PCDHGA11: variants seen among roughly 807,000 people sequenced by gnomAD.
PCDHGA11 encodes the protein protocadherin gamma subfamily A, 11.
PCDHGA11 carries 39 observed loss-of-function variants against 60.4 expected under a neutral mutation model. The observed-to-expected ratio is 0.65, with a 90% confidence interval of 0.50 to 0.84. PCDHGA11 has a LOEUF of 0.84. Ranked by LOEUF, PCDHGA11 falls within the 40% of genes least tolerant of loss-of-function variation. The pLI, the probability that PCDHGA11 is intolerant of heterozygous loss-of-function variation, is 0.00. For missense variants in PCDHGA11, 1,165 were observed against 1,197.7 expected (o/e 0.97, Z 0.40); for synonymous variants, 533 against 510.3 (o/e 1.04, Z -0.60).
At chr5:141,488,762 C>T (rs1470160100) in intron 1 of PCDHGA11, among the ~76,000 whole-genome samples, 1 of 152,142 alleles carries the variant, frequency 6.6e-6, no homozygotes, top group Non-Finnish European at 1.5e-5. Context: ...TGGGACAGAA[C>T]GCTGAGGAGT....
chr5:141,444,561 GA>G (rs778707459), intron 1 of PCDHGA11, among the ~76,000 whole-genome samples: 17 of 152,098 alleles, frequency 1.1e-4, no homozygotes, highest in Non-Finnish European at 2.1e-4. Context: ...GCACTTATTT[GA>G]CACTTTTGAC....
At chr5:141,441,004 C>G (rs1258800474) in intron 1 of PCDHGA11, 1 of 152,066 alleles carries the variant, frequency 6.6e-6, no homozygotes, top group African/African-American at 2.4e-5. Flanking sequence ...TCTAGTTTGG[C>G]CTTGATCAAA....
intron 1 of PCDHGA11, chr5:141,440,405 CCACTG>C (rs2098176019): frequency 6.6e-6 from 1 of 152,126 alleles, no homozygotes; most frequent in South Asian, 2.1e-4. Flanking sequence ...GGCAATCGCA[CCACTG>C]CACTCCAGCC....
Position 141,510,957 on chromosome 5 carries a change from T to C in PCDHGA11, c.2592T>C (p.Asp864=), listed in dbSNP as rs372617587. ...MILASASEAA[D]GSSTLGGGAG... ...CCTCTGTCTCTGCAGAAGCTGCTGA[T>C]GGGAGCTCCACCCTGGGAGGGGGTG... Residue 864 remains aspartate, a synonymous_variant, in exon 4 of 4, where the codon GAT becomes GAC. Transcript: ENST00000398587. 2.5e-6 allele frequency: 4 copies of C among 1,614,134 alleles called. No individual in the cohort carries two copies. The highest frequency in any genetic ancestry group is 3.4e-6 in the Non-Finnish European group (4 of 1,180,004).
At chr5:141,430,827 T>A in intron 1 of PCDHGA11, 1 of 1,551,000 alleles carries the variant, frequency 6.4e-7, no homozygotes, top group South Asian at 1.3e-5. Flanking sequence ...CTGGGGACTC[T>A]GTGGGAGACC....
chr5:141,477,274 G>A lies in PCDHGA11; in HGVS notation c.2434-17533G>A. The A allele has an allele frequency of 2.5e-6, 4 of 1,614,034 alleles. No homozygotes were observed. Among genetic ancestry groups the A allele is most frequent in the East Asian group, 2.2e-5 (1 of 44,880 alleles). ...ACCTGGATGCTGGCGAGAACGGGCT[G>A]GTGACCTGCGAAGTTCCACCGGGTC... On this transcript the variant is annotated intron_variant, in intron 1 of 3. Coordinates refer to ENST00000398587, the MANE Select transcript of PCDHGA11 (RefSeq NM_018914.3). This position sits in a 1 kb window ranked among gnomAD's most constrained non-coding sequence, Gnocchi z 4.9.
Position 141,489,454 on chromosome 5 carries a change from G to C in PCDHGA11, c.2434-5353G>C, listed in dbSNP as rs1177748773. 1 of 1,613,940 alleles carries C rather than the reference G, an allele frequency of 6.2e-7. No homozygotes were observed. The highest frequency in any genetic ancestry group is 1.3e-5 in the African/African-American group (1 of 74,906). On this transcript the variant is annotated intron_variant, in intron 1 of 3. Transcript: ENST00000398587. This position sits in a 1 kb window ranked among gnomAD's most constrained non-coding sequence, Gnocchi z 4.5. ...GCTGCAATTGGGCTCTGAGGAGAAT[G>C]GGCGCTATTTTTCCCTGAGCTTGAT...
intron 1 of PCDHGA11, among the ~76,000 whole-genome samples, chr5:141,438,747 T>C (rs2098059577): frequency 6.7e-6 from 1 of 148,680 alleles, no homozygotes. Flanking sequence ...CTGCAACCTC[T>C]GCCTCCTGGG....
chr5:141,428,886 G>T (rs1002869474), intron 1 of PCDHGA11: 3 of 149,710 alleles, frequency 2.0e-5, no homozygotes, highest in Non-Finnish European at 2.9e-5. Context: ...ACGGAGTCTC[G>T]CTCTGTGGTC....
intron 1 of PCDHGA11, among the ~76,000 whole-genome samples, chr5:141,465,280 C>T (rs922029628): frequency 7.2e-5 from 11 of 151,990 alleles, no homozygotes; most frequent in Non-Finnish European, 1.5e-4. Flanking sequence ...TTAGTTCACC[C>T]CTAAAGAACT....
At chr5:141,455,860 ATTATTTATTTATTTATTTATTTAT>A (rs145569377) in intron 1 of PCDHGA11, among the ~76,000 whole-genome samples, 10 of 139,848 alleles carry the variant, frequency 7.2e-5, no homozygotes, top group Admixed American at 5.1e-4. Flanking sequence ...AATTTCTTTT[ATTATTTATTTATTTATTTATTTAT>A]TTATTTATTT....
chr5:141,449,067 T>A lies in PCDHGA11; in HGVS notation c.2433+25407T>A, dbSNP rs547833131. On this transcript the variant is annotated intron_variant, in intron 1 of 3. Transcript: ENST00000398587. ...AGTCTCATAAATGAGCGCTATTGAA[T>A]AGCCCTGTACCTACATCAGTTTTTA... Among the ~76,000 whole-genome samples the A allele has an allele frequency of 3.3e-5, 5 of 152,342 alleles. No homozygotes were observed. In the East Asian group the frequency reaches 9.6e-4, roughly 29 times the overall value.
intron 1 of PCDHGA11, among the ~76,000 whole-genome samples, chr5:141,474,163 T>A (rs958292802): frequency 2.0e-5 from 3 of 152,178 alleles, no homozygotes; most frequent in Non-Finnish European, 2.9e-5. Flanking sequence ...ATGACAGGCC[T>A]TATTATTGAG....
chr5:141,435,973 G>T (rs1420195337), intron 1 of PCDHGA11, among the ~76,000 whole-genome samples: 1 of 152,028 alleles, frequency 6.6e-6, no homozygotes, highest in East Asian at 1.9e-4. Context: ...AGAGTGTGTG[G>T]TTCTACTTGT....
Position 141,510,956 on chromosome 5 carries a change from A to T in PCDHGA11, c.2591A>T (p.Asp864Val). 1 of 1,614,104 alleles carries T rather than the reference A, an allele frequency of 6.2e-7. No homozygotes were observed. The highest frequency in any genetic ancestry group is 8.5e-7 in the Non-Finnish European group (1 of 1,179,996). The change falls in exon 4 of 4, where the codon GAT becomes GTT. Residue 864 changes from aspartate to valine, a missense_variant. Asp to Val is a radical substitution (Grantham distance 152). Transcript: ENST00000398587. ...MILASASEAA[D>V]GSSTLGGGAG... ...TCCTCTGTCTCTGCAGAAGCTGCTG[A>T]TGGGAGCTCCACCCTGGGAGGGGGT...
chr5:141,487,783 G>T lies in PCDHGA11; in HGVS notation c.2434-7024G>T. The T allele has an allele frequency of 6.6e-7, 1 of 1,522,846 alleles. No homozygotes were observed. The allele number at this position is 1,522,846 out of a possible 1,614,324, so 94.3% of individuals were successfully genotyped here. ...ACGCTGTGCTTTGTAACTGTTTCGT[G>T]AATTAACCAGAGTTGTCACAGTTTA... is the stretch of plus-strand genomic sequence containing the variant. On this transcript the variant is annotated intron_variant, in intron 1 of 3. Transcript: ENST00000398587. The surrounding 1 kb of genome is among the most constrained non-coding windows in gnomAD (Gnocchi z 5.0).
intron 1 of PCDHGA11, among the ~76,000 whole-genome samples, chr5:141,471,995 TG>T: frequency 6.6e-6 from 1 of 152,322 alleles, no homozygotes; most frequent in East Asian, 1.9e-4. Context: ...TAAAAATCCC[TG>T]CATCGTATAG....
At position 141,477,984 on chromosome 5, in the gene PCDHGA11, T is replaced by A; in HGVS notation, c.2434-16823T>A. On this transcript the variant is annotated intron_variant, in intron 1 of 3. Coordinates refer to ENST00000398587, the MANE Select transcript of PCDHGA11 (RefSeq NM_018914.3). This position sits in a 1 kb window ranked among gnomAD's most constrained non-coding sequence, Gnocchi z 4.9. ...AACCAGAGCCTTTTTGCCATAGGGC[T>A]GCACACTGGTCAAATCAGTACTGCC... 6.2e-7 allele frequency: 1 copy of A among 1,614,146 alleles called. No homozygotes were observed. The highest frequency in any genetic ancestry group is 8.5e-7 in the Non-Finnish European group (1 of 1,180,028).
chr5:141,495,000 G>A lies in PCDHGA11; in HGVS notation c.2492+135G>A, dbSNP rs191756104. ...AGTTTGAGATCCCAGGGAGGTCTTG[G>A]TGTGCGGGGGGCTGGCACACAGACC... On this transcript the variant is annotated intron_variant, in intron 2 of 3. Transcript: ENST00000398587. 1.3e-4 allele frequency: 202 copies of A among 1,531,656 alleles called. 2 individuals carry two copies. The African/African-American group carries it at 2.4e-3, about 19-fold the overall frequency. The allele number at this position is 1,531,656 out of a possible 1,614,324, so 94.9% of individuals were successfully genotyped here. A position where few individuals can be genotyped will look rare whatever the true frequency, so the allele number is the denominator to read the frequency against.
Sources: gnomAD v4.1 joint callset for allele counts (sites outside exome capture counted in the v4.1 genomes callset) on GRCh38, gnomAD v4.1.1 for gene constraint, Gnocchi (gnomAD v3.1) non-coding constraint, MANE v1.5 for transcripts, NCBI Gene and HGNC (gene_info 2026-07-23, HGNC 2026-07-21) for gene names.